The following ZNF778 variants were observed in gnomAD, a reference collection of about 807,000 sequenced individuals.
ZNF778 encodes zinc finger protein 778.
Under a neutral mutation model 23.9 loss-of-function variants are expected in ZNF778, and 37 were observed. The observed-to-expected ratio is 1.54, with a 90% CI of 1.19 to 2.03. ZNF778 has a LOEUF of 2.03. Among genes scored for constraint, ZNF778 ranks in the 30% most tolerant of loss-of-function variants. The pLI, the probability that ZNF778 is intolerant of heterozygous loss-of-function variation, is 0.00. For missense variants in ZNF778, 1,297 were observed against 934.4 expected (o/e 1.39, Z -5.06); for synonymous variants, 483 against 343.9 (o/e 1.40, Z -4.48).
intron 2 of ZNF778, among the ~76,000 whole-genome samples, chr16:89,221,570 A>G: frequency 7.4e-6 from 1 of 135,212 alleles, no homozygotes; most frequent in Admixed American, 7.9e-5. Flanking sequence ...TGTTTTCCTG[A>G]GGCACTGTAT....
intron 1 of ZNF778, among the ~76,000 whole-genome samples, chr16:89,219,330 T>TA (rs111585551): frequency 4.0e-4 from 61 of 152,352 alleles, no homozygotes; most frequent in African/African-American, 1.2e-3. Context: ...GTGATACGTT[T>TA]AAATATTCCT....
rs1321819383 is a variant in ZNF778 at position 89,227,857 on chromosome 16, C to G, written c.1569C>G (p.His523Gln). 1.2e-6 allele frequency: 2 copies of G among 1,613,966 alleles called. No homozygotes were observed. The highest frequency in any genetic ancestry group is 2.2e-5 in the South Asian group (2 of 91,078). The change falls in exon 7 of 7, where the codon CAC becomes CAG. Residue 523 changes from histidine to glutamine, a missense_variant. His to Gln is a conservative substitution (Grantham distance 24, BLOSUM62 0). Coordinates refer to ENST00000433976, the MANE Select transcript of ZNF778 (RefSeq NM_001201407.2). ...AFTGRSGLTK[H>Q]MRTHTGEKPY... is the part of the protein sequence containing the mutation. ...CAGGGCGCTCAGGCCTCACTAAACA[C>G]ATGCGGACACACACCGGGGAGAAGC...
chr16:89,233,930 G>A lies in ZNF778; in HGVS notation c.*5368G>A. On this transcript the variant is annotated 3_prime_UTR_variant, in exon 7 of 7. Coordinates refer to ENST00000433976, the MANE Select transcript of ZNF778 (RefSeq NM_001201407.2). ...GATGAGGCACTAGACAGCAGGACAT[G>A]CTGTATGCCCTTGGGCCTGCTGGAA... 3.1e-6 allele frequency: 4 copies of A among 1,288,120 alleles called. No homozygotes were observed. Among genetic ancestry groups the A allele is most frequent in the Non-Finnish European group, 3.0e-6 (3 of 987,668 alleles). The allele number at this position is 1,288,120 out of a possible 1,614,324, so 79.8% of individuals were successfully genotyped here. A position where few individuals can be genotyped will look rare whatever the true frequency, so the allele number is the denominator to read the frequency against.
chr16:89,232,573 C>G lies in ZNF778; in HGVS notation c.*4011C>G, dbSNP rs564172945. The G allele has an allele frequency of 2.6e-6, 3 of 1,160,876 alleles. No individual in the cohort carries two copies. The highest frequency in any genetic ancestry group is 3.2e-5 in the African/African-American group (2 of 61,980). 71.9% of individuals were successfully genotyped at this position (1,160,876 alleles called of 1,614,324 possible). The stretch of plus-strand genomic sequence containing the variant: ...AACTTATGCCCTCCTGTGTGAAAAT[C>G]TCCACTCCCAATGTCTGAGGGTTCC... On this transcript the variant is annotated 3_prime_UTR_variant, in exon 7 of 7. Coordinates refer to ENST00000433976, the MANE Select transcript of ZNF778 (RefSeq NM_001201407.2).
chr16:89,223,696 ATATT>A (rs1184594990), intron 4 of ZNF778, among the ~76,000 whole-genome samples: 1 of 152,224 alleles, frequency 6.6e-6, no homozygotes, highest in Non-Finnish European at 1.5e-5. Flanking sequence ...TTTTACGTGT[ATATT>A]TAAGCCTGAA....
intron 4 of ZNF778, among the ~76,000 whole-genome samples, chr16:89,223,929 G>A (rs201289197): frequency 6.6e-6 from 1 of 150,578 alleles, no homozygotes; most frequent in African/African-American, 2.5e-5. Flanking sequence ...CCTGTAATCC[G>A]AGCACTCTGG....
At position 89,228,350 on chromosome 16, in the gene ZNF778, C is replaced by G. The variant is rs574352437; in HGVS notation, c.2062C>G (p.Leu688Val). 5 of 1,613,736 alleles carry G rather than the reference C, an allele frequency of 3.1e-6. No homozygotes were observed. The highest frequency in any genetic ancestry group is 1.1e-5 in the South Asian group (1 of 91,046). ...CGKAFRASSH[L>V]HKHGRIHTGQ... The stretch of plus-strand genomic sequence containing the variant: ...GAAAGCCTTCCGTGCCTCCTCTCAC[C>G]TGCATAAACATGGAAGAATTCACAC... Residue 688 changes from leucine (L) to valine (V), a missense_variant, in exon 7 of 7, where the codon CTG becomes GTG. Transcript: ENST00000433976.
Position 89,231,218 on chromosome 16 carries a change from G to A in ZNF778, c.*2656G>A, listed in dbSNP as rs1165421761. 7 of 152,308 alleles carry A rather than the reference G, an allele frequency of 4.6e-5. No homozygotes were observed. The highest frequency in any genetic ancestry group is 1.2e-4 in the African/African-American group (5 of 41,462). The allele number at this position is 152,308 out of a possible 1,614,324, so 9.4% of individuals were successfully genotyped here. A position where few individuals can be genotyped will look rare whatever the true frequency, so the allele number is the denominator to read the frequency against. ...TTAGCGGGAACCAGCTTGTGGGGTTGTAGCGGCTCCTGGACTGGTCTCAGG... is the reference window on the plus strand; with the variant it reads ...TTAGCGGGAACCAGCTTGTGGGGTTATAGCGGCTCCTGGACTGGTCTCAGG... On this transcript the variant is annotated 3_prime_UTR_variant, in exon 7 of 7. Transcript: ENST00000433976.
rs1597375099 is a variant in ZNF778, at chr16:89,236,638, A to G, written c.*8076A>G. On this transcript the variant is annotated 3_prime_UTR_variant, in exon 7 of 7. Transcript: ENST00000433976. Reference sequence around the variant, plus strand: ...TATCACATGGGGTTTCAACTGATGTATATTTAATACATAAGACAACTACAA... The same window carrying G: ...TATCACATGGGGTTTCAACTGATGTGTATTTAATACATAAGACAACTACAA... The G allele has an allele frequency of 6.6e-6, 1 of 152,230 alleles. No individual in the cohort carries two copies. The allele number at this position is 152,230 out of a possible 1,614,324, so 9.4% of individuals were successfully genotyped here. A position where few individuals can be genotyped will look rare whatever the true frequency, so the allele number is the denominator to read the frequency against.
rs1373306181 is a variant in ZNF778, at chr16:89,233,712, C to G, written c.*5150C>G. ...CTTACTGCATATGCAACTCAACTCA[C>G]TGCGTATGCAACTCAACTCGCACTG... On this transcript the variant is annotated 3_prime_UTR_variant, in exon 7 of 7. Coordinates refer to ENST00000433976, the MANE Select transcript of ZNF778 (RefSeq NM_001201407.2). 2 of 1,174,524 alleles carry G rather than the reference C, an allele frequency of 1.7e-6. No individual in the cohort carries two copies. Among genetic ancestry groups the G allele is most frequent in the Admixed American group, 2.4e-5 (1 of 40,880 alleles). The allele number at this position is 1,174,524 out of a possible 1,614,324, so 72.8% of individuals were successfully genotyped here.
rs145002021 is a variant in ZNF778, at chr16:89,229,315, T to G, written c.*753T>G. Reference sequence around the variant, plus strand: ...TCCAGATGTGATTCTGTGAGCAGTGTAAGCTCTGGTTGGTTAGTCTTCAGG... The same window carrying G: ...TCCAGATGTGATTCTGTGAGCAGTGGAAGCTCTGGTTGGTTAGTCTTCAGG... On this transcript the variant is annotated 3_prime_UTR_variant, in exon 7 of 7. Transcript: ENST00000433976. The G allele has an allele frequency of 9.4e-5, 93 of 984,498 alleles. No individual in the cohort carries two copies. The East Asian group carries it at 8.1e-3, about 86-fold the overall frequency. The allele number at this position is 984,498 out of a possible 1,614,324, so 61.0% of individuals were successfully genotyped here.
In ZNF778 at chr16:89,233,683, T is replaced by A. The variant is rs554569884; in HGVS notation, c.*5121T>A. Reference sequence around the variant, plus strand: ...ATTCAACTCGCACTGCGTATGCAAATCAACTTACTGCATATGCAACTCAAC... The same window carrying A: ...ATTCAACTCGCACTGCGTATGCAAAACAACTTACTGCATATGCAACTCAAC... On this transcript the variant is annotated 3_prime_UTR_variant, in exon 7 of 7. Transcript: ENST00000433976. 3.2e-3 allele frequency: 4,118 copies of A among 1,281,062 alleles called. 18 individuals are homozygous for A. The highest frequency in any genetic ancestry group is 3.9e-3 in the Non-Finnish European group (3,886 of 987,288). The allele number at this position is 1,281,062 out of a possible 1,614,324, so 79.4% of individuals were successfully genotyped here.
intron 4 of ZNF778, 25 bp downstream of exon 4, chr16:89,223,308 A>C (rs953353056): frequency 3.7e-6 from 6 of 1,612,938 alleles, no homozygotes; most frequent in Non-Finnish European, 5.1e-6. Flanking sequence ...GTCCTTTGCA[A>C]CTTCTGTGGA....
At position 89,233,598 on chromosome 16, in the gene ZNF778, TCATACTGCATATGCAACTCAACTCA is replaced by T. The variant is rs1197696160; in HGVS notation, c.*5039_*5063del. 8.9e-7 allele frequency: 1 copy of T among 1,129,274 alleles called. No homozygotes were observed. The highest frequency in any genetic ancestry group is 2.7e-5 in the Admixed American group (1 of 36,538). The allele number at this position is 1,129,274 out of a possible 1,614,324, so 70.0% of individuals were successfully genotyped here. A position where few individuals can be genotyped will look rare whatever the true frequency, so the allele number is the denominator to read the frequency against. On this transcript the variant is annotated 3_prime_UTR_variant, in exon 7 of 7. Transcript: ENST00000433976. ...CACTGCATATGCAACGCAACTCAAC[TCATACTGCATATGCAACTCAACTCA>T]CACTGTATGCAACTCAGCTCGCTCT...
intron 4 of ZNF778, 55 bp from the exon 5 acceptor site, chr16:89,224,664 G>C (rs935529859): frequency 1.5e-6 from 2 of 1,313,950 alleles, no homozygotes; most frequent in Non-Finnish European, 1.1e-6. Context: ...TCACGGGTAG[G>C]TTTGTCATCC....
intron 3 of ZNF778, among the ~76,000 whole-genome samples, chr16:89,222,884 C>T (rs571330136): frequency 5.6e-5 from 8 of 143,000 alleles, no homozygotes; most frequent in Non-Finnish European, 9.2e-5. Context: ...GGTGTCGTTG[C>T]GGCCGTGTGA....
chr16:89,223,556 C>T, intron 4 of ZNF778, among the ~76,000 whole-genome samples: 1 of 152,158 alleles, frequency 6.6e-6, no homozygotes, highest in East Asian at 1.9e-4. Flanking sequence ...GTCATCTCTC[C>T]TGTAACAAGC....
rs1383034433 is a variant in ZNF778, at chr16:89,229,046, G to T, written c.*484G>T. 1.0e-6 allele frequency: 1 copy of T among 991,094 alleles called. No individual in the cohort carries two copies. Among genetic ancestry groups the T allele is most frequent in the Non-Finnish European group, 1.2e-6 (1 of 833,768 alleles). 61.4% of individuals were successfully genotyped at this position (991,094 alleles called of 1,614,324 possible). A position where few individuals can be genotyped will look rare whatever the true frequency, so the allele number is the denominator to read the frequency against. ...TAACTTGAGACATGTCTTTCTGGGG[G>T]TTCTGTAGACGTATTTTGAATCTTT... On this transcript the variant is annotated 3_prime_UTR_variant, in exon 7 of 7. Transcript: ENST00000433976.
Position 89,234,230 on chromosome 16 carries a change from A to G in ZNF778, c.*5668A>G. On this transcript the variant is annotated 3_prime_UTR_variant, in exon 7 of 7. Transcript: ENST00000433976. ...GGTTTTCCTCATAGTCTCTCTACCTAAGCACATGTCTGTGACAAGGTCTTA... is the reference window on the plus strand; with the variant it reads ...GGTTTTCCTCATAGTCTCTCTACCTGAGCACATGTCTGTGACAAGGTCTTA... 1 of 360,610 alleles carries G rather than the reference A, an allele frequency of 2.8e-6. No individual in the cohort carries two copies. Among genetic ancestry groups the G allele is most frequent in the Admixed American group, 3.7e-5 (1 of 26,996 alleles). The allele number at this position is 360,610 out of a possible 1,614,324, so 22.3% of individuals were successfully genotyped here.
Sources: gnomAD v4.1 joint callset for allele counts (sites outside exome capture counted in the v4.1 genomes callset) on GRCh38, gnomAD v4.1.1 for gene constraint, MANE v1.5 for transcripts, NCBI Gene and HGNC (gene_info 2026-07-23, HGNC 2026-07-21) for gene names.